BTBD16: variants seen among roughly 807,000 people sequenced by gnomAD.
BTBD16 encodes the protein BTB domain containing 16.
BTBD16 carries 66 observed loss-of-function variants against 67.4 expected under a neutral mutation model. That is an observed-to-expected ratio of 0.98 (90% CI 0.80 to 1.20). The LOEUF is 1.20. Ranked by LOEUF, BTBD16 falls within the 50% of genes most tolerant of loss-of-function variation. The pLI, the probability that BTBD16 is intolerant of heterozygous loss-of-function variation, is 0.00. For synonymous variants in BTBD16, 242 were observed against 236.4 expected, an observed-to-expected ratio of 1.02 and a Z score of -0.22; for missense variants, 634 against 616.0, an observed-to-expected ratio of 1.03 and a Z score of -0.31.
chr10:122,279,159 A>T (rs1348979072), intron 3 of BTBD16, among the ~76,000 whole-genome samples: 1 of 152,072 alleles, frequency 6.6e-6, no homozygotes, highest in Non-Finnish European at 1.5e-5. Flanking sequence ...TCTACTGAGT[A>T]TGGGAGAAAC....
chr10:122,304,184 C>T (rs746792389), intron 9 of BTBD16, among the ~76,000 whole-genome samples: 4 of 152,194 alleles, frequency 2.6e-5, no homozygotes, highest in Admixed American at 6.5e-5. Context: ...CAGATGGTGA[C>T]AAACTTGGTC....
At chr10:122,279,914 C>G (rs2096348920) in intron 3 of BTBD16, among the ~76,000 whole-genome samples, 1 of 152,194 alleles carries the variant, frequency 6.6e-6, no homozygotes, top group Non-Finnish European at 1.5e-5. Context: ...GCTGAGGGAA[C>G]AGGCTCCCAG....
chr10:122,333,587 T>A (rs1438671738), intron 13 of BTBD16, among the ~76,000 whole-genome samples: 1 of 152,108 alleles, frequency 6.6e-6, no homozygotes, highest in East Asian at 1.9e-4. Context: ...GCATGGTGAA[T>A]GTTGGGGTGA....
At chr10:122,286,059 G>A in intron 4 of BTBD16, 46 bp from the exon 5 acceptor site, 1 of 1,552,750 alleles carries the variant, frequency 6.4e-7, no homozygotes, top group Non-Finnish European at 8.8e-7. Flanking sequence ...ATCTTTGGGT[G>A]GGGACGTTAC....
At chr10:122,293,838 T>C (rs904966146) in intron 7 of BTBD16, among the ~76,000 whole-genome samples, 2 of 152,196 alleles carry the variant, frequency 1.3e-5, no homozygotes, top group Non-Finnish European at 2.9e-5. Context: ...AAGTGGGGCC[T>C]CTGGCCACCT....
intron 10 of BTBD16, among the ~76,000 whole-genome samples, chr10:122,320,812 T>A (rs548289585): frequency 4.6e-5 from 7 of 152,314 alleles, no homozygotes; most frequent in East Asian, 3.9e-4. Context: ...TTGGTAAAAA[T>A]TTTTTAAAAG....
chr10:122,314,108 C>T (rs143349960), intron 10 of BTBD16, among the ~76,000 whole-genome samples: 5 of 152,270 alleles, frequency 3.3e-5, no homozygotes, highest in Non-Finnish European at 7.4e-5. Context: ...GAAGAAAATG[C>T]TGAGATTTTG....
intron 7 of BTBD16, among the ~76,000 whole-genome samples, chr10:122,292,280 G>A (rs1013837255): frequency 1.3e-5 from 2 of 152,234 alleles, no homozygotes; most frequent in Non-Finnish European, 2.9e-5. Flanking sequence ...CAGCACATAG[G>A]GCTTTAGGAT....
intron 7 of BTBD16, chr10:122,295,600 G>C (rs2096381659): frequency 3.2e-6 from 3 of 934,900 alleles, no homozygotes; most frequent in Non-Finnish European, 3.8e-6. Flanking sequence ...CAGAGGCTCA[G>C]CCGAGAGACC....
At chr10:122,291,720 G>A (rs2096374415) in intron 7 of BTBD16, 1 of 152,170 alleles carries the variant, frequency 6.6e-6, no homozygotes, top group Admixed American at 6.5e-5. Context: ...GTTACATACA[G>A]TCATTGTAGG....
chr10:122,322,010 G>A (rs530602598), intron 10 of BTBD16, among the ~76,000 whole-genome samples: 9 of 152,010 alleles, frequency 5.9e-5, no homozygotes, highest in African/African-American at 2.2e-4. Context: ...TATGTTTTTA[G>A]TATCTATAGA....
intron 10 of BTBD16, among the ~76,000 whole-genome samples, chr10:122,317,959 C>G (rs1010667421): frequency 6.6e-6 from 1 of 152,102 alleles, no homozygotes; most frequent in Non-Finnish European, 1.5e-5. Context: ...CAGTAACAGT[C>G]ATTTATTATT....
rs1192824352 is a variant in BTBD16 at position 122,277,083 on chromosome 10, G to A, written c.167+144G>A. ...AGGCTCCCTCTGGAGCCAGCTCTCA[G>A]GCATGGACAGGGTCATAAGTGACTA... On this transcript the variant is annotated intron_variant, in intron 3 of 15. Transcript: ENST00000260723. 20 of 892,590 alleles carry A rather than the reference G, an allele frequency of 2.2e-5. No homozygotes were observed. In the Admixed American group the frequency reaches 3.5e-4, roughly 16 times the overall value. The allele number at this position is 892,590 out of a possible 1,614,324, so 55.3% of individuals were successfully genotyped here.
intron 9 of BTBD16, among the ~76,000 whole-genome samples, chr10:122,299,583 C>T (rs1406251144): frequency 6.6e-6 from 1 of 151,902 alleles, no homozygotes; most frequent in Non-Finnish European, 1.5e-5. Flanking sequence ...AGATTAAAAG[C>T]CATCTCTCGG....
intron 5 of BTBD16, 69 bp downstream of exon 5, chr10:122,286,317 A>G: frequency 2.0e-6 from 3 of 1,525,514 alleles, no homozygotes; most frequent in Non-Finnish European, 2.6e-6. Flanking sequence ...AGCTTGGAAC[A>G]TGGTTATCTG....
intron 10 of BTBD16, 124 bp downstream of exon 10, chr10:122,307,432 G>T (rs1443429589): frequency 6.0e-6 from 6 of 1,007,446 alleles, no homozygotes; most frequent in Non-Finnish European, 8.3e-6. Context: ...AGAGGGCACT[G>T]TTTTTTTAAT....
intron 9 of BTBD16, among the ~76,000 whole-genome samples, chr10:122,303,939 T>A (rs1271199412): frequency 6.6e-6 from 1 of 152,194 alleles, no homozygotes; most frequent in Non-Finnish European, 1.5e-5. Context: ...ATAATTATGC[T>A]TCATAAATAA....
intron 3 of BTBD16, among the ~76,000 whole-genome samples, chr10:122,282,522 A>G (rs887276264): frequency 6.6e-6 from 1 of 152,224 alleles, no homozygotes; most frequent in Non-Finnish European, 1.5e-5. Flanking sequence ...TGAAGTTGAC[A>G]CTGCATGACA....
chr10:122,297,153 G>T (rs894147614), intron 7 of BTBD16, among the ~76,000 whole-genome samples: 2 of 152,318 alleles, frequency 1.3e-5, no homozygotes, highest in African/African-American at 2.4e-5. Context: ...GCCAAATGTG[G>T]TTATCTGTCT....
Sources: allele counts gnomAD v4.1 joint callset (sites outside exome capture counted in the v4.1 genomes callset), GRCh38; gene constraint gnomAD v4.1.1; transcripts MANE v1.5; gene names NCBI Gene and HGNC (gene_info 2026-07-23, HGNC 2026-07-21).